The following OPCML variants were observed in gnomAD, a reference collection of about 807,000 sequenced individuals.
The protein encoded by OPCML is opioid-binding protein/cell adhesion molecule.
Under a neutral mutation model 37.8 loss-of-function variants are expected in OPCML, and 13 were observed. The observed-to-expected ratio is 0.34, with a 90% CI of 0.22 to 0.55. The LOEUF (loss-of-function observed/expected upper bound fraction) is 0.55, where lower values mean the gene tolerates loss of function less well. Among genes scored for constraint, OPCML ranks in the 20% least tolerant of loss-of-function variants. The pLI is 0.91. For missense variants in OPCML, 341 were observed against 435.6 expected (o/e 0.78, Z 1.93); for synonymous variants, 176 against 168.8 (o/e 1.04, Z -0.33).
intron 4 of OPCML, among the ~76,000 whole-genome samples, chr11:132,438,551 A>G (rs538958918): frequency 6.7e-6 from 1 of 149,174 alleles, no homozygotes; most frequent in East Asian, 2.0e-4. Flanking sequence ...ATGGTGTGCA[A>G]GTGTATAGGG....
chr11:132,943,841 G>C lies in OPCML; in HGVS notation c.62-831C>G, dbSNP rs1043500445. On this transcript the variant is annotated intron_variant, in intron 1 of 7. Coordinates refer to ENST00000524381, the MANE Select transcript of OPCML (RefSeq NM_001012393.5). This position sits in a 1 kb window ranked among gnomAD's most constrained non-coding sequence, Gnocchi z 4.3. ...TCCGGGGACGCGGCACGAGACGCGG[G>C]GACGCGCGGACGCCACGCTCAGCGG... 6.6e-6 allele frequency: 1 copy of C among 150,650 alleles called. No individual in the cohort carries two copies. Among genetic ancestry groups the C allele is most frequent in the African/African-American group, 2.4e-5 (1 of 41,258 alleles). 9.3% of individuals were successfully genotyped at this position (150,650 alleles called of 1,614,324 possible).
intron 1 of OPCML, among the ~76,000 whole-genome samples, chr11:133,052,631 C>G (rs576963705): frequency 3.3e-5 from 5 of 152,268 alleles, no homozygotes; most frequent in African/African-American, 1.2e-4. Flanking sequence ...GGCTCTGGAG[C>G]CAGGCATGTG....
intron 2 of OPCML, among the ~76,000 whole-genome samples, chr11:132,762,805 C>A (rs377321701): frequency 1.3e-5 from 2 of 152,156 alleles, no homozygotes; most frequent in Middle Eastern, 3.2e-3. Flanking sequence ...CTTCAGCCCC[C>A]TTTCCAGGGG....
At chr11:132,978,976 C>T (rs982342497) in intron 1 of OPCML, among the ~76,000 whole-genome samples, 1 of 152,092 alleles carries the variant, frequency 6.6e-6, no homozygotes, top group Non-Finnish European at 1.5e-5. Flanking sequence ...ACTCACAGCC[C>T]CCACATGTTT....
At chr11:132,587,198 T>A (rs73041738) in intron 3 of OPCML, among the ~76,000 whole-genome samples, 3,657 of 152,226 alleles carry the variant, frequency 0.024, 109 homozygotes, top group East Asian at 0.055. Flanking sequence ...AATAGAGGAA[T>A]CTCCACAAAG....
chr11:133,460,136 A>C (rs1409160547), intron 1 of OPCML, among the ~76,000 whole-genome samples: 1 of 151,996 alleles, frequency 6.6e-6, no homozygotes, highest in Non-Finnish European at 1.5e-5. Context: ...AGAAATCACA[A>C]GGAAAATTAT....
chr11:132,461,982 A>T (rs545831279), intron 4 of OPCML, among the ~76,000 whole-genome samples: 75 of 152,188 alleles, frequency 4.9e-4, no homozygotes, highest in Non-Finnish European at 1.0e-3. Flanking sequence ...ATTCAAGGTG[A>T]CATTTGGGTG....
intron 2 of OPCML, among the ~76,000 whole-genome samples, chr11:132,665,902 T>C (rs1942195836): frequency 6.6e-6 from 1 of 152,236 alleles, no homozygotes; most frequent in Admixed American, 6.5e-5. Context: ...AAAGGCACCC[T>C]ATCACATTCA....
At chr11:132,748,449 G>A (rs920209068) in intron 2 of OPCML, among the ~76,000 whole-genome samples, 2 of 152,198 alleles carry the variant, frequency 1.3e-5, no homozygotes, top group Non-Finnish European at 2.9e-5. Context: ...TAGTGGGAGA[G>A]TTAGATTTAA....
At chr11:133,518,255 T>A (rs1348549681) in intron 1 of OPCML, among the ~76,000 whole-genome samples, 1 of 150,470 alleles carries the variant, frequency 6.6e-6, no homozygotes, top group African/African-American at 2.5e-5. Flanking sequence ...GGGTGGGTGG[T>A]GTGCAGGCAT....
intron 1 of OPCML, among the ~76,000 whole-genome samples, chr11:132,967,441 T>C (rs1478902533): frequency 1.3e-5 from 2 of 152,140 alleles, no homozygotes; most frequent in Admixed American, 1.3e-4. Flanking sequence ...TATCTATTTA[T>C]AGAGTTGATG....
chr11:133,031,166 G>C (rs1947661480), intron 1 of OPCML, among the ~76,000 whole-genome samples: 1 of 152,212 alleles, frequency 6.6e-6, no homozygotes, highest in Non-Finnish European at 1.5e-5. Flanking sequence ...TGAATGGATA[G>C]ATGGATAAAT....
intron 1 of OPCML, among the ~76,000 whole-genome samples, chr11:133,093,073 T>C (rs982837275): frequency 6.6e-6 from 1 of 152,116 alleles, no homozygotes; most frequent in African/African-American, 2.4e-5. Flanking sequence ...ATTATTATTA[T>C]TAATTTTTGT....
At chr11:132,977,561 C>T (rs1220533223) in intron 1 of OPCML, among the ~76,000 whole-genome samples, 2 of 152,172 alleles carry the variant, frequency 1.3e-5, no homozygotes, top group Non-Finnish European at 2.9e-5. Context: ...ATATTTTTTT[C>T]ATATTCTTAT....
At chr11:133,324,492 G>A (rs559909596) in intron 1 of OPCML, among the ~76,000 whole-genome samples, 5 of 152,302 alleles carry the variant, frequency 3.3e-5, no homozygotes, top group Non-Finnish European at 7.4e-5. Context: ...TGTCTAGAAC[G>A]TCTAGGAAAA....
chr11:133,212,651 T>C lies in OPCML; in HGVS notation c.62-269641A>G, dbSNP rs978881663. Among the ~76,000 whole-genome samples, 1 of 152,246 alleles carries C rather than the reference T, an allele frequency of 6.6e-6. No individual in the cohort carries two copies. The highest frequency in any genetic ancestry group is 1.5e-5 in the Non-Finnish European group (1 of 68,036). On this transcript the variant is annotated intron_variant, in intron 1 of 7. Transcript: ENST00000524381. The surrounding 1 kb of genome is among the most constrained non-coding windows in gnomAD (Gnocchi z 4.9). ...CAGCCTCTGTGATTTACCTTCTCAC[T>C]GTGACTGTTGTTATTGTCTGTCCTC...
intron 1 of OPCML, among the ~76,000 whole-genome samples, chr11:133,267,689 C>T (rs1255143275): frequency 6.6e-6 from 1 of 152,170 alleles, no homozygotes; most frequent in East Asian, 1.9e-4. Flanking sequence ...GTAGCTCTCA[C>T]AATTCCCATG....
intron 1 of OPCML, among the ~76,000 whole-genome samples, chr11:133,041,122 G>A (rs76992410): frequency 0.038 from 5,767 of 152,222 alleles, 159 homozygotes; most frequent in Non-Finnish European, 0.059. Context: ...TTTTAGCTCT[G>A]ACCTTGGAAA....
chr11:132,653,886 C>T (rs1229974428), intron 3 of OPCML, among the ~76,000 whole-genome samples: 1 of 152,118 alleles, frequency 6.6e-6, no homozygotes, highest in African/African-American at 2.4e-5. Flanking sequence ...AGTGGCAGCT[C>T]GGAAATTTTT....
Sources: allele counts gnomAD v4.1 joint callset (sites outside exome capture counted in the v4.1 genomes callset), GRCh38; gene constraint gnomAD v4.1.1; non-coding constraint Gnocchi (gnomAD v3.1); transcripts MANE v1.5; gene names NCBI Gene and HGNC (gene_info 2026-07-23, HGNC 2026-07-21).